Variants in DEFB110 observed in about 807,000 individuals in gnomAD.
DEFB110 encodes the protein defensin beta 110.
A neutral mutation model predicts 2.5 loss-of-function variants in DEFB110; 4 were observed. The observed-to-expected ratio is 1.60, with a 90% CI of 0.79 to 3.66. The LOEUF (loss-of-function observed/expected upper bound fraction) is 3.66, where lower values mean the gene tolerates loss of function less well. Among genes scored for constraint, DEFB110 ranks in the 30% most tolerant of loss-of-function variants. The pLI is 0.01. For synonymous variants in DEFB110, 29 were observed against 21.8 expected (o/e 1.33, Z -0.92); for missense variants, 94 against 75.4 (o/e 1.25, Z -0.91).
At chr6:50,019,673 T>A (rs570538990) in intron 1 of DEFB110, among the ~76,000 whole-genome samples, 5 of 151,948 alleles carry the variant, frequency 3.3e-5, no homozygotes, top group Non-Finnish European at 5.9e-5. Context: ...AATAACAACA[T>A]TGATAAAGAA....
intron 1 of DEFB110, chr6:50,009,390 T>C (rs912882469): frequency 5.8e-6 from 6 of 1,035,964 alleles, no homozygotes; most frequent in African/African-American, 3.3e-5. Flanking sequence ...TTGGAGACAA[T>C]GGAACGTCAA....
chr6:50,015,873 ATT>A (rs1774306988), downstream of DEFB110, among the ~76,000 whole-genome samples: 2 of 151,964 alleles, frequency 1.3e-5, no homozygotes, highest in East Asian at 3.9e-4. Context: ...TATTATCCAT[ATT>A]ACAAATTGAC....
In DEFB110 at chr6:50,019,832, G is replaced by A. The variant is rs558511890; in HGVS notation, c.56-707C>T. Reference sequence around the variant, plus strand: ...GTGTACTATTAAACCTTTTGACTAGGAATCAATAAACTATTGTCAGGGAGC... The same window carrying A: ...GTGTACTATTAAACCTTTTGACTAGAAATCAATAAACTATTGTCAGGGAGC... On this transcript the variant is annotated intron_variant, in intron 1 of 1. Coordinates refer to ENST00000371148, the MANE Select transcript of DEFB110 (RefSeq NM_001037497.2). 2.6e-5 allele frequency among the ~76,000 whole-genome samples: 4 copies of A among 151,872 alleles called. No homozygotes were observed. The South Asian group carries it at 8.3e-4, about 31-fold the overall frequency.
chr6:50,011,749 G>C (rs2113937353), intron 1 of DEFB110, among the ~76,000 whole-genome samples: 1 of 152,126 alleles, frequency 6.6e-6, no homozygotes, highest in South Asian at 2.1e-4. Flanking sequence ...TCCTGGAAAT[G>C]TCATCCATAA....
chr6:50,009,159 C>G (rs1774183589), exon 2 of DEFB110: 1 of 1,610,254 alleles, frequency 6.2e-7, no homozygotes, highest in Non-Finnish European at 8.5e-7. Context: ...ACTGACTTCT[C>G]CATTTAATGC....
intron 1 of DEFB110, among the ~76,000 whole-genome samples, chr6:50,009,648 A>G (rs185810332): frequency 1.3e-5 from 2 of 152,258 alleles, no homozygotes; most frequent in Admixed American, 1.3e-4. Context: ...AATAGTTATA[A>G]TTTATTTTGA....
At chr6:50,009,285 A>AAATATCT (rs1774187424) in intron 1 of DEFB110, 2 of 1,586,514 alleles carry the variant, frequency 1.3e-6, no homozygotes, top group Admixed American at 4.0e-5. Flanking sequence ...CAATCAAGAA[A>AAATATCT]AATATCTAAA....
chr6:50,019,072 T>C lies in DEFB110; in HGVS notation c.109A>G (p.Ile37Val). ...GSLDLRRECR[I>V]GNGQCKNQCH... is the part of the protein sequence containing the mutation. ...TGATTTTTACATTGACCATTACCTA[T>C]TCTGCACTCTCTCCTCAAGTCCAAG... is the stretch of plus-strand genomic sequence containing the variant. Residue 37 changes from isoleucine to valine, a missense_variant, in exon 2 of 2, where the codon ATA becomes GTA. By Grantham distance (29) the Ile-to-Val change is conservative. Transcript: ENST00000371148. 1 of 1,613,292 alleles carries C rather than the reference T, an allele frequency of 6.2e-7. No homozygotes were observed. Among genetic ancestry groups the C allele is most frequent in the Non-Finnish European group, 8.5e-7 (1 of 1,179,416 alleles).
intron 1 of DEFB110, among the ~76,000 whole-genome samples, chr6:50,020,221 T>G (rs1426483962): frequency 1.3e-5 from 2 of 151,218 alleles, no homozygotes; most frequent in East Asian, 1.9e-4. Context: ...AAAGATATGT[T>G]TTTTTTTTAG....
At chr6:50,009,629 C>T (rs1774193442) in intron 1 of DEFB110, among the ~76,000 whole-genome samples, 1 of 152,034 alleles carries the variant, frequency 6.6e-6, no homozygotes, top group Non-Finnish European at 1.5e-5. Flanking sequence ...AAAATATCAG[C>T]CCTTCTATAA....
chr6:50,011,091 A>C lies in DEFB110; in HGVS notation c.56-1820T>G, dbSNP rs950212967. On this transcript the variant is annotated intron_variant, in intron 1 of 1. Coordinates refer to the DEFB110 transcript ENST00000393660. ...AAATTATGGCTCACTATAGAATCAA[A>C]GGTTTGCCATGTGTAAATTATGAAT... Among the ~76,000 whole-genome samples the C allele has an allele frequency of 9.2e-5, 14 of 151,840 alleles. No homozygotes were observed. In the East Asian group the frequency reaches 2.7e-3, roughly 29 times the overall value.
At chr6:50,015,606 A>T (rs1582366051), downstream of DEFB110, among the ~76,000 whole-genome samples, 2 of 151,800 alleles carry the variant, frequency 1.3e-5, no homozygotes, top group East Asian at 3.9e-4. Context: ...GGGCTACTAC[A>T]CTCTACTTTG....
intron 1 of DEFB110, among the ~76,000 whole-genome samples, chr6:50,009,764 C>G (rs937904488): frequency 1.3e-5 from 2 of 152,026 alleles, no homozygotes; most frequent in Non-Finnish European, 2.9e-5. Flanking sequence ...GGCAACTGAT[C>G]GAGAAAACTC....
chr6:50,016,725 A>G (rs917364650), downstream of DEFB110, among the ~76,000 whole-genome samples: 1 of 146,616 alleles, frequency 6.8e-6, no homozygotes, highest in Admixed American at 6.8e-5. Context: ...TTTCCTCAGG[A>G]AAAAAAAAAT....
exon 2 of DEFB110, chr6:50,009,207 T>C: frequency 5.0e-6 from 8 of 1,610,176 alleles, no homozygotes; most frequent in Non-Finnish European, 6.8e-6. Flanking sequence ...CACAAAACGT[T>C]TTACATATTC....
At chr6:50,016,505 A>T (rs753766187), downstream of DEFB110, among the ~76,000 whole-genome samples, 1 of 151,882 alleles carries the variant, frequency 6.6e-6, no homozygotes, top group African/African-American at 2.4e-5. Flanking sequence ...ATTACAATGT[A>T]TCAGCAAGAA....
In DEFB110 at chr6:50,010,677, C is replaced by A. The variant is rs142422799; in HGVS notation, c.56-1406G>T. ...CTAATTTATAATGACAGAATCCCTACCTTTGGTGAATTTTAGTGAAATCTG... is the reference window on the plus strand; with the variant it reads ...CTAATTTATAATGACAGAATCCCTAACTTTGGTGAATTTTAGTGAAATCTG... On this transcript the variant is annotated intron_variant, in intron 1 of 1. Coordinates refer to the DEFB110 transcript ENST00000393660. Among the ~76,000 whole-genome samples the A allele has an allele frequency of 6.9e-3, 1,048 of 151,176 alleles. 20 individuals carry two copies. The highest frequency in any genetic ancestry group is 0.024 in the African/African-American group (971 of 41,318).
downstream of DEFB110, among the ~76,000 whole-genome samples, chr6:50,018,226 A>G (rs12196609): frequency 0.14 from 21,055 of 151,872 alleles, 1,682 homozygotes; most frequent in Middle Eastern, 0.23. Context: ...TCCTTTTGTC[A>G]TGGATCTCCT....
chr6:50,020,407 C>A (rs1170512827), intron 1 of DEFB110, among the ~76,000 whole-genome samples: 1 of 151,400 alleles, frequency 6.6e-6, no homozygotes, highest in Non-Finnish European at 1.5e-5. Context: ...TGTACCCTGG[C>A]CGATTCGTTT....
Sources: allele counts gnomAD v4.1 joint callset (sites outside exome capture counted in the v4.1 genomes callset), GRCh38; gene constraint gnomAD v4.1.1; transcripts MANE v1.5; gene names NCBI Gene and HGNC (gene_info 2026-07-23, HGNC 2026-07-21).